The following PCDH11Y variants were observed in gnomAD, a reference collection of about 807,000 sequenced individuals.
The protein encoded by PCDH11Y is protocadherin 11 Y-linked.
For synonymous variants in PCDH11Y, 9 were observed against 83.6 expected, an observed-to-expected ratio of 0.11 and a Z score of 4.87; for missense variants, 12 against 224.8, an observed-to-expected ratio of 0.05 and a Z score of 6.05.
intron 2 of PCDH11Y, among the ~76,000 whole-genome samples, chrY:5,201,479 G>T: frequency 3.1e-5 from 1 of 32,020 alleles, no homozygotes; most frequent in Non-Finnish European, 7.6e-5. Flanking sequence ...CTCCACTTTG[G>T]TTTTGAGATA....
rs1602958413 is a variant in PCDH11Y, at chrY:5,672,401, G to A, written c.3353-64871G>A. ...TTCAGCGTTGAAGTCGTCGGGTCTC[G>A]GGCTTTTTTAACTGGGATTTTTTTT... On this transcript the variant is annotated intron_variant, in intron 4 of 4. Transcript: ENST00000400457. Among the ~76,000 whole-genome samples, 3 of 31,027 alleles carry A rather than the reference G, an allele frequency of 9.7e-5. No homozygotes were observed. In the East Asian group the frequency reaches 2.5e-3, roughly 26 times the overall value. The allele number at this position is 31,027 out of a possible 37,273, so 83.2% of individuals were successfully genotyped here. A position where few individuals can be genotyped will look rare whatever the true frequency, so the allele number is the denominator to read the frequency against.
intron 2 of PCDH11Y, among the ~76,000 whole-genome samples, chrY:5,470,710 G>A: frequency 7.1e-5 from 2 of 28,089 alleles, no homozygotes; most frequent in Non-Finnish European, 1.7e-4. Flanking sequence ...ATTATTTTGT[G>A]TATGAGTTAT....
intron 2 of PCDH11Y, among the ~76,000 whole-genome samples, chrY:5,471,597 A>G (rs2053314095): frequency 6.2e-5 from 2 of 32,344 alleles, no homozygotes; most frequent in Admixed American, 2.9e-4. Flanking sequence ...TCTGAATATA[A>G]AAGATCTGAA....
chrY:5,090,672 A>G, intron 1 of PCDH11Y, among the ~76,000 whole-genome samples: 1 of 32,943 alleles, frequency 3.0e-5, no homozygotes, highest in Non-Finnish European at 7.5e-5. Flanking sequence ...GGCAGTAATT[A>G]CCTGATAAGT....
chrY:5,130,152 G>A, intron 2 of PCDH11Y, among the ~76,000 whole-genome samples: 1 of 33,391 alleles, frequency 3.0e-5, no homozygotes, highest in Non-Finnish European at 7.4e-5. Context: ...GATACCCTAA[G>A]CAATACCATT....
At chrY:5,057,517 A>C in intron 1 of PCDH11Y, 58 bp downstream of exon 2, 1 of 311,913 alleles carries the variant, frequency 3.2e-6, no homozygotes, top group Non-Finnish European at 4.5e-6. Flanking sequence ...GAGTAAAATA[A>C]AATGATATTA....
At chrY:5,389,493 A>AT (rs1198578853) in intron 2 of PCDH11Y, among the ~76,000 whole-genome samples, 19 of 27,657 alleles carry the variant, frequency 6.9e-4, no homozygotes, top group African/African-American at 9.8e-4. Flanking sequence ...TTTAAATGTC[A>AT]TTTTTTTTTT....
At chrY:5,336,255 A>G (rs2053136644) in intron 2 of PCDH11Y, among the ~76,000 whole-genome samples, 1 of 32,029 alleles carries the variant, frequency 3.1e-5, no homozygotes, top group Non-Finnish European at 7.5e-5. Context: ...TCTAATGCTC[A>G]TTTTTCTTTT....
intron 2 of PCDH11Y, among the ~76,000 whole-genome samples, chrY:5,149,556 A>C: frequency 5.5e-5 from 1 of 18,069 alleles, no homozygotes; most frequent in Non-Finnish European, 1.0e-4. Context: ...GGATGTATGC[A>C]TATATACACA....
intron 1 of PCDH11Y, among the ~76,000 whole-genome samples, chrY:5,081,041 A>G (rs2052718471): frequency 6.8e-5 from 2 of 29,617 alleles, no homozygotes; most frequent in African/African-American, 1.3e-4. Flanking sequence ...TAATTTTGGT[A>G]AAAGGTGTAA....
chrY:5,273,363 C>T, intron 2 of PCDH11Y, among the ~76,000 whole-genome samples: 1 of 33,590 alleles, frequency 3.0e-5, no homozygotes, highest in Admixed American at 2.7e-4. Flanking sequence ...TGGCCCGTGA[C>T]ACAGCCCTCA....
chrY:5,173,142 G>T (rs2052888863), intron 2 of PCDH11Y, among the ~76,000 whole-genome samples: 1 of 33,103 alleles, frequency 3.0e-5, no homozygotes, highest in Non-Finnish European at 7.5e-5. Context: ...TTTCTCTGCT[G>T]TAAAATTAAG....
At chrY:5,292,785 G>T in intron 2 of PCDH11Y, among the ~76,000 whole-genome samples, 3 of 32,884 alleles carry the variant, frequency 9.1e-5, no homozygotes, top group African/African-American at 3.5e-4. Context: ...TCTATAATAA[G>T]TTTGTATTGA....
At chrY:5,377,783 C>G (rs2124674005) in intron 2 of PCDH11Y, among the ~76,000 whole-genome samples, 1 of 33,648 alleles carries the variant, frequency 3.0e-5, no homozygotes. Flanking sequence ...CGGAGTCTAG[C>G]TCTGTTGCCC....
At chrY:5,024,922 G>A (rs2052576494) in intron 1 of PCDH11Y, among the ~76,000 whole-genome samples, 1 of 32,068 alleles carries the variant, frequency 3.1e-5, no homozygotes, top group African/African-American at 1.2e-4. Context: ...TAGTGTAAGT[G>A]AAAAAAAACA....
At chrY:5,507,695 A>T in intron 3 of PCDH11Y, among the ~76,000 whole-genome samples, 1 of 32,284 alleles carries the variant, frequency 3.1e-5, no homozygotes, top group East Asian at 8.1e-4. Context: ...GCACTAGGAG[A>T]CTGGCACAAG....
chrY:5,687,604 CAAAAAA>C (rs201607647), intron 4 of PCDH11Y, among the ~76,000 whole-genome samples: 1 of 8,402 alleles, frequency 1.2e-4, no homozygotes, highest in African/African-American at 5.0e-4. Flanking sequence ...ACTCTGTCTC[CAAAAAA>C]AAAAAAAAAA....
chrY:5,187,502 AG>A (rs2052907439), intron 2 of PCDH11Y, among the ~76,000 whole-genome samples: 1 of 32,695 alleles, frequency 3.1e-5, no homozygotes. Context: ...ATTATGTGTA[AG>A]CTGCCAACCC....
At chrY:5,327,798 AAG>A (rs2053124030) in intron 2 of PCDH11Y, among the ~76,000 whole-genome samples, 5 of 32,598 alleles carry the variant, frequency 1.5e-4, no homozygotes, top group Non-Finnish European at 2.2e-4. Context: ...ATAACTAAAA[AAG>A]AGTGCATAAA....
Sources: gnomAD v4.1 joint callset for allele counts (sites outside exome capture counted in the v4.1 genomes callset) on GRCh38, gnomAD v4.1.1 for gene constraint, MANE v1.5 for transcripts, NCBI Gene and HGNC (gene_info 2026-07-23, HGNC 2026-07-21) for gene names.